The following ARMC5 variants were observed in gnomAD, a reference collection of about 807,000 sequenced individuals.
ARMC5 encodes armadillo repeat containing 5.
ARMC5 carries 28 observed loss-of-function variants against 60.5 expected under a neutral mutation model. That is an observed-to-expected ratio of 0.46 (90% CI 0.34 to 0.63). ARMC5 has a LOEUF of 0.63. Ranked by LOEUF, ARMC5 falls within the 30% of genes least tolerant of loss-of-function variation. The pLI, the probability that ARMC5 is intolerant of heterozygous loss-of-function variation, is 0.01. For missense variants in ARMC5, 1,189 were observed against 1,304.9 expected (o/e 0.91, Z 1.37); for synonymous variants, 680 against 607.3 (o/e 1.12, Z -1.76).
chr16:31,460,318 T>C (rs1467663915), intron 1 of ARMC5: 2 of 329,096 alleles, frequency 6.1e-6, no homozygotes, highest in African/African-American at 4.5e-5. Context: ...AGTTATGATG[T>C]TCATAGCAGA....
Position 31,462,276 on chromosome 16 carries a change from C to T in ARMC5, c.729C>T (p.Ala243=), listed in dbSNP as rs114871627. Residue 243 remains alanine, a synonymous_variant, in exon 3 of 6, where the codon GCC becomes GCT. Transcript: ENST00000268314. This position sits in a 1 kb window ranked among gnomAD's most constrained non-coding sequence, Gnocchi z 7.2. ...LAQQGAVRPL[A]ELLATAPDAA... ...AGCAGGGAGCAGTGCGTCCGCTGGCCGAGCTCCTGGCCACTGCCCCAGATG... is the reference window on the plus strand; with the variant it reads ...AGCAGGGAGCAGTGCGTCCGCTGGCTGAGCTCCTGGCCACTGCCCCAGATG... The T allele has an allele frequency of 1.2e-3, 1,919 of 1,609,618 alleles. 24 individuals are homozygous for T. The African/African-American group carries it at 0.023, about 19-fold the overall frequency.
chr16:31,459,270 G>A, upstream of ARMC5: 3 of 1,534,196 alleles, frequency 2.0e-6, no homozygotes, highest in South Asian at 1.2e-5. Flanking sequence ...CGAGGTAGGC[G>A]TGAGAAGCTC....
Position 31,467,096 on chromosome 16 carries a change from C to T in ARMC5, c.*207C>T, listed in dbSNP as rs768264197. 1.8e-6 allele frequency: 1 copy of T among 563,820 alleles called. No homozygotes were observed. The highest frequency in any genetic ancestry group is 2.8e-6 in the Non-Finnish European group (1 of 354,226). 34.9% of individuals were successfully genotyped at this position (563,820 alleles called of 1,614,324 possible). A position where few individuals can be genotyped will look rare whatever the true frequency, so the allele number is the denominator to read the frequency against. The stretch of plus-strand genomic sequence containing the variant: ...GGGTGTAGGGCCCAGAGAAGCAGAA[C>T]AGCCCAGAGCCCCAGGTGCCTGGCC... On this transcript the variant is annotated 3_prime_UTR_variant, in exon 6 of 6. Transcript: ENST00000268314.
At chr16:31,460,214 A>T (rs939507827) in intron 1 of ARMC5, 3 of 541,190 alleles carry the variant, frequency 5.5e-6, no homozygotes, top group Non-Finnish European at 9.4e-6. Context: ...TGTAGCCATT[A>T]TCTAGGAATT....
chr16:31,458,534 G>T (rs762041652), upstream of ARMC5: 224 of 1,531,222 alleles, frequency 1.5e-4, no homozygotes, highest in Admixed American at 1.1e-3. Flanking sequence ...CTGCCTTGGT[G>T]GTGAATGAAG....
At chr16:31,459,173 C>A, upstream of ARMC5, 1 of 1,513,224 alleles carries the variant, frequency 6.6e-7, no homozygotes, top group Non-Finnish European at 8.8e-7. Context: ...GGGCGGGGCA[C>A]GGCACGAAGG....
At chr16:31,465,570 T>A (rs976987779) in intron 4 of ARMC5, 1 of 1,231,532 alleles carries the variant, frequency 8.1e-7, no homozygotes, top group Non-Finnish European at 1.1e-6. Flanking sequence ...TATATTGTAT[T>A]ATACTGGAAC....
Position 31,459,538 on chromosome 16 carries a change from A to C in ARMC5, c.14A>C (p.Lys5Thr). 1 of 1,605,118 alleles carries C rather than the reference A, an allele frequency of 6.2e-7. No homozygotes were observed. The highest frequency in any genetic ancestry group is 8.5e-7 in the Non-Finnish European group (1 of 1,178,636). The change falls in exon 1 of 6, where the codon AAG becomes ACG. Residue 5 changes from lysine to threonine, a missense_variant. Coordinates refer to ENST00000268314, the MANE Select transcript of ARMC5 (RefSeq NM_001105247.2). MAAA[K>T]PTLTDSLSFC... ...GCCCGAGCCAAGATGGCGGCTGCGA[A>C]GCCAACCCTCACGGACTCGCTCTCG...
In ARMC5 at chr16:31,466,380, T is replaced by G. The variant is rs1249029370; in HGVS notation, c.2299T>G (p.Ser767Ala). Residue 767 changes from serine (S) to alanine (A), a missense_variant, in exon 6 of 6, where the codon TCA becomes GCA. By Grantham distance (99) the Ser-to-Ala change is moderately conservative. This residue lies in a region of ARMC5 where 862 missense variants were observed against 1,071.2 expected (regional missense o/e 0.80). Transcript: ENST00000268314. This position sits in a 1 kb window ranked among gnomAD's most constrained non-coding sequence, Gnocchi z 8.0. Reference sequence around the variant, plus strand: ...CCAGCTCCCTGCCCAGCGAGCGGCCTCAGCCACCGCCTCCCCTTTCTTCCG... The same window carrying G: ...CCAGCTCCCTGCCCAGCGAGCGGCCGCAGCCACCGCCTCCCCTTTCTTCCG... ...GLQLPAQRAASATASPFFRAL... is the reference protein window; with the variant it reads ...GLQLPAQRAAAATASPFFRAL... 2.5e-6 allele frequency: 4 copies of G among 1,612,806 alleles called. No homozygotes were observed. Among genetic ancestry groups the G allele is most frequent in the Non-Finnish European group, 3.4e-6 (4 of 1,179,840 alleles).
In ARMC5 at chr16:31,464,391, C is replaced by A. The variant is rs200655247; in HGVS notation, c.1371-3C>A. ...AGTCTCCTTCCCTTTCTGCCCTCCG[C>A]AGGTCGTGGCTGATCTCCGAGGGCT... On this transcript the variant is annotated splice_polypyrimidine_tract_variant and splice_region_variant and intron_variant, in intron 3 of 5. Coordinates refer to ENST00000268314, the MANE Select transcript of ARMC5 (RefSeq NM_001105247.2). This position sits in a 1 kb window ranked among gnomAD's most constrained non-coding sequence, Gnocchi z 7.6. 2.1e-4 allele frequency: 313 copies of A among 1,514,700 alleles called. No homozygotes were observed. The highest frequency in any genetic ancestry group is 1.6e-3 in the Middle Eastern group (9 of 5,600). The allele number at this position is 1,514,700 out of a possible 1,614,324, so 93.8% of individuals were successfully genotyped here.
chr16:31,458,961 G>A, upstream of ARMC5: 1 of 1,535,630 alleles, frequency 6.5e-7, no homozygotes, highest in Non-Finnish European at 8.7e-7. Flanking sequence ...CTAGGAAGCG[G>A]CAGCGAACGT....
At position 31,466,992 on chromosome 16, in the gene ARMC5, G is replaced by T; in HGVS notation, c.*103G>T. 1.5e-6 allele frequency: 2 copies of T among 1,337,952 alleles called. No homozygotes were observed. Among genetic ancestry groups the T allele is most frequent in the Non-Finnish European group, 2.0e-6 (2 of 1,025,382 alleles). The allele number at this position is 1,337,952 out of a possible 1,614,324, so 82.9% of individuals were successfully genotyped here. A position where few individuals can be genotyped will look rare whatever the true frequency, so the allele number is the denominator to read the frequency against. The stretch of plus-strand genomic sequence containing the variant: ...AGGCTGAGCAGAAGGAGTCATCATG[G>T]AGGAGCGGTGAGAACATGGAACCGG... On this transcript the variant is annotated 3_prime_UTR_variant, in exon 6 of 6. Coordinates refer to ENST00000268314, the MANE Select transcript of ARMC5 (RefSeq NM_001105247.2). This position sits in a 1 kb window ranked among gnomAD's most constrained non-coding sequence, Gnocchi z 8.0.
Position 31,459,952 on chromosome 16 carries a change from G to A in ARMC5, c.428G>A (p.Gly143Glu). The A allele has an allele frequency of 6.2e-7, 1 of 1,603,086 alleles. No homozygotes were observed. The highest frequency in any genetic ancestry group is 8.5e-7 in the Non-Finnish European group (1 of 1,179,502). Residue 143 changes from glycine (G) to glutamate (E), a missense_variant, in exon 1 of 6, where the codon GGG becomes GAG. Gly to Glu is a moderately conservative substitution (Grantham distance 98). Coordinates refer to ENST00000268314, the MANE Select transcript of ARMC5 (RefSeq NM_001105247.2). The part of the protein sequence containing the change: ...LSILADCCTE[G>E]ACRTEVRRLG... ...ATCCTAGCCGATTGCTGTACGGAAG[G>A]GGCGTGCCGGACCGAAGTGCGCAGA...
Position 31,462,935 on chromosome 16 carries a change from G to A in ARMC5, c.1370+18G>A, listed in dbSNP as rs1485636531. On this transcript the variant is annotated intron_variant, in intron 3 of 5. Transcript: ENST00000268314. The surrounding 1 kb of genome is among the most constrained non-coding windows in gnomAD (Gnocchi z 7.2). ...AGCCTCAGGTGAGTCCCTGCCTCAG[G>A]GCTTGGGAGGGTGAGCAGTGCAGTG... The A allele has an allele frequency of 3.9e-6, 6 of 1,540,042 alleles. No individual in the cohort carries two copies. The South Asian group carries it at 7.4e-5, about 19-fold the overall frequency.
At chr16:31,460,028 A>G in intron 1 of ARMC5, 29 bp downstream of exon 1, 2 of 1,592,596 alleles carry the variant, frequency 1.3e-6, no homozygotes, top group East Asian at 2.3e-5. Flanking sequence ...TTTCCTAGAA[A>G]GATTAGGTTT....
In ARMC5 at chr16:31,464,755, G is replaced by C; in HGVS notation, c.1732G>C (p.Ala578Pro). 1.3e-6 allele frequency: 2 copies of C among 1,599,214 alleles called. No individual in the cohort carries two copies. The highest frequency in any genetic ancestry group is 1.7e-6 in the Non-Finnish European group (2 of 1,179,310). The stretch of plus-strand genomic sequence containing the variant: ...TCTGTCACGCCTCACCTGCAACCCT[G>C]CCTGCCTCGAGGCCTTCGTGCGCAG... The part of the protein sequence containing the change: ...RILSRLTCNP[A>P]CLEAFVRSYG... The change falls in exon 4 of 6, where the codon GCC becomes CCC. Residue 578 changes from alanine (A) to proline (P), a missense_variant. Around this residue, in one of 2 missense-constraint regions of ARMC5, gnomAD observed 862 missense variants for 1,071.2 expected, o/e 0.80. Coordinates refer to ENST00000268314, the MANE Select transcript of ARMC5 (RefSeq NM_001105247.2). This position sits in a 1 kb window ranked among gnomAD's most constrained non-coding sequence, Gnocchi z 7.6.
At chr16:31,458,715 C>G (rs1367240029), upstream of ARMC5, 66 of 1,456,846 alleles carry the variant, frequency 4.5e-5, no homozygotes, top group Non-Finnish European at 5.9e-5. Context: ...GCGGAGCCAC[C>G]TCGCAATCCA....
At chr16:31,458,451 C>T, upstream of ARMC5, 7 of 1,535,736 alleles carry the variant, frequency 4.6e-6, no homozygotes, top group Non-Finnish European at 6.1e-6. Flanking sequence ...CCCAGTGGTG[C>T]TTAACCAGAT....
chr16:31,466,085 C>T lies in ARMC5; in HGVS notation c.2004C>T (p.Pro668=), dbSNP rs1186225981. The T allele has an allele frequency of 3.1e-6, 5 of 1,598,630 alleles. No individual in the cohort carries two copies. Among genetic ancestry groups the T allele is most frequent in the Admixed American group, 3.4e-5 (2 of 59,470 alleles). ...ALTLPFICRK[P]SLWRRLLLEQ... Reference sequence around the variant, plus strand: ...GGCCCTCTCTTCCCTGTAGGAAGCCCTCTCTGTGGCGCCGGCTGCTTCTGG... The same window carrying T: ...GGCCCTCTCTTCCCTGTAGGAAGCCTTCTCTGTGGCGCCGGCTGCTTCTGG... The change falls in exon 6 of 6, where the codon CCC becomes CCT. Residue 668 remains proline, a synonymous_variant. Transcript: ENST00000268314. This position sits in a 1 kb window ranked among gnomAD's most constrained non-coding sequence, Gnocchi z 8.0.
Sources: gnomAD v4.1 joint callset for allele counts on GRCh38, gnomAD v4.1.1 for gene constraint, gnomAD v4.1.1 regional missense constraint, Gnocchi (gnomAD v3.1) non-coding constraint, MANE v1.5 for transcripts, NCBI Gene and HGNC (gene_info 2026-07-23, HGNC 2026-07-21) for gene names.